The following PTPRD variants were observed in gnomAD, a reference collection of about 807,000 sequenced individuals.
The protein encoded by PTPRD is receptor-type tyrosine-protein phosphatase delta.
PTPRD carries 34 observed loss-of-function variants against 214.5 expected under a neutral mutation model. That is an observed-to-expected ratio of 0.16 (90% CI 0.12 to 0.21). The LOEUF (loss-of-function observed/expected upper bound fraction) is 0.21. Among genes scored for constraint, PTPRD ranks in the 10% least tolerant of loss-of-function variants. PTPRD has a pLI of 1.00. For synonymous variants in PTPRD, 1,128 were observed against 845.7 expected, an observed-to-expected ratio of 1.33 and a Z score of -5.79; for missense variants, 2,545 against 2,398.7, an observed-to-expected ratio of 1.06 and a Z score of -1.27.
At chr9:10,368,573 A>T (rs2097556099) in intron 2 of PTPRD, among the ~76,000 whole-genome samples, 1 of 152,120 alleles carries the variant, frequency 6.6e-6, no homozygotes, top group African/African-American at 2.4e-5. Context: ...TGCAGGATAC[A>T]GAAATATTAG....
At chr9:9,934,111 C>T (rs1256068688) in intron 5 of PTPRD, among the ~76,000 whole-genome samples, 1 of 149,354 alleles carries the variant, frequency 6.7e-6, no homozygotes, top group African/African-American at 2.6e-5. Context: ...CACTAAACGC[C>T]CACAAGAGAA....
chr9:10,307,683 G>A (rs549998169), intron 3 of PTPRD, among the ~76,000 whole-genome samples: 1 of 152,036 alleles, frequency 6.6e-6, no homozygotes, highest in Non-Finnish European at 1.5e-5. Context: ...GTGTATAACA[G>A]TTCCCTTAAA....
At chr9:9,589,426 A>G (rs2092472404) in intron 7 of PTPRD, among the ~76,000 whole-genome samples, 1 of 151,910 alleles carries the variant, frequency 6.6e-6, no homozygotes. Context: ...TTTAAAATAT[A>G]GAACAAGTAA....
At chr9:9,146,174 T>A (rs950044085) in intron 10 of PTPRD, among the ~76,000 whole-genome samples, 2 of 152,218 alleles carry the variant, frequency 1.3e-5, no homozygotes, top group Non-Finnish European at 2.9e-5. Context: ...ATATCATGCC[T>A]GTAGAATTCT....
chr9:8,719,770 GC>G (rs1320839012), intron 12 of PTPRD, among the ~76,000 whole-genome samples: 1 of 151,940 alleles, frequency 6.6e-6, no homozygotes, highest in Non-Finnish European at 1.5e-5. Flanking sequence ...CAAAAGGCAT[GC>G]AAAATGTATA....
intron 12 of PTPRD, among the ~76,000 whole-genome samples, chr9:8,712,895 T>C (rs1010076782): frequency 1.7e-4 from 26 of 152,098 alleles, no homozygotes; most frequent in Non-Finnish European, 2.9e-5. Context: ...ATTTTTGTAT[T>C]TTTAGTAGAG....
At chr9:9,008,408 T>A (rs1418277055) in intron 11 of PTPRD, among the ~76,000 whole-genome samples, 1 of 151,730 alleles carries the variant, frequency 6.6e-6, no homozygotes, top group Non-Finnish European at 1.5e-5. Flanking sequence ...TTTGTATTTT[T>A]ATTAGAGACG....
intron 3 of PTPRD, among the ~76,000 whole-genome samples, chr9:10,098,199 T>C (rs2098512442): frequency 6.6e-6 from 1 of 151,570 alleles, no homozygotes; most frequent in African/African-American, 2.4e-5. Flanking sequence ...TGTAGGGACA[T>C]GGATGAAGCT....
intron 12 of PTPRD, among the ~76,000 whole-genome samples, chr9:8,649,666 C>T (rs963841944): frequency 1.3e-5 from 2 of 152,038 alleles, no homozygotes; most frequent in African/African-American, 2.4e-5. Flanking sequence ...TGATACATAA[C>T]AAAAATGTTT....
intron 25 of PTPRD, 133 bp from the exon 26 acceptor site, chr9:8,497,401 A>G: frequency 1.5e-6 from 1 of 645,650 alleles, no homozygotes; most frequent in Non-Finnish European, 2.4e-6. Flanking sequence ...ATAAAATTCC[A>G]AAGAATGTGT....
At chr9:8,326,727 A>G (rs1048159402) in intron 44 of PTPRD, among the ~76,000 whole-genome samples, 1 of 151,612 alleles carries the variant, frequency 6.6e-6, no homozygotes, top group African/African-American at 2.4e-5. Context: ...TACTGCCTCA[A>G]TTTCAGAACT....
At chr9:9,525,897 T>C (rs538656007) in intron 8 of PTPRD, among the ~76,000 whole-genome samples, 6 of 152,006 alleles carry the variant, frequency 3.9e-5, no homozygotes, top group Non-Finnish European at 8.8e-5. Flanking sequence ...CATGTAAGCA[T>C]CACCTAAGTC....
chr9:8,848,024 G>C (rs1474755848), intron 11 of PTPRD, among the ~76,000 whole-genome samples: 2 of 151,846 alleles, frequency 1.3e-5, no homozygotes, highest in African/African-American at 2.4e-5. Flanking sequence ...GGGCAGCTAT[G>C]AAAATGGCAG....
chr9:9,221,623 A>G (rs1476393178), intron 9 of PTPRD, among the ~76,000 whole-genome samples: 1 of 151,928 alleles, frequency 6.6e-6, no homozygotes, highest in Non-Finnish European at 1.5e-5. Context: ...ATATTTTCAT[A>G]AGGACCCCAA....
chr9:9,043,367 C>T (rs1021087852), intron 10 of PTPRD, among the ~76,000 whole-genome samples: 1 of 152,138 alleles, frequency 6.6e-6, no homozygotes. Context: ...ATACCACCTA[C>T]CTGTAGATAG....
At chr9:8,443,384 T>C (rs983432314) in intron 34 of PTPRD, among the ~76,000 whole-genome samples, 1 of 152,240 alleles carries the variant, frequency 6.6e-6, no homozygotes. Context: ...ATTAATAGTA[T>C]TAATAGATCA....
At chr9:8,737,873 A>T (rs566703338) in intron 11 of PTPRD, among the ~76,000 whole-genome samples, 1 of 151,314 alleles carries the variant, frequency 6.6e-6, no homozygotes. Context: ...CTGATCTTGA[A>T]CTCCTGACCT....
At chr9:8,729,836 T>C (rs1320873981) in intron 12 of PTPRD, among the ~76,000 whole-genome samples, 1 of 152,202 alleles carries the variant, frequency 6.6e-6, no homozygotes, top group Non-Finnish European at 1.5e-5. Flanking sequence ...TAGCAAATGA[T>C]TATCTTACAA....
intron 8 of PTPRD, among the ~76,000 whole-genome samples, chr9:9,530,183 A>T (rs2075135573): frequency 6.6e-6 from 1 of 152,174 alleles, no homozygotes; most frequent in African/African-American, 2.4e-5. Flanking sequence ...ATAGTGACTA[A>T]AAAATAATAC....
Sources: gnomAD v4.1 joint callset for allele counts (sites outside exome capture counted in the v4.1 genomes callset) on GRCh38, gnomAD v4.1.1 for gene constraint, MANE v1.5 for transcripts, NCBI Gene and HGNC (gene_info 2026-07-23, HGNC 2026-07-21) for gene names.